SBF1: variants seen among roughly 807,000 people sequenced by gnomAD.
SBF1 encodes myotubularin-related protein 5.
Under a neutral mutation model 215.8 loss-of-function variants are expected in SBF1, and 65 were observed. The ratio of observed to expected loss-of-function variants is 0.30; its 90% CI spans 0.25 to 0.37. SBF1 has a LOEUF of 0.37. Among genes scored for constraint, SBF1 ranks in the 10% least tolerant of loss-of-function variants. The pLI is 1.00. For synonymous variants in SBF1, 1,410 were observed against 1,122.8 expected (o/e 1.26, Z -5.11); for missense variants, 2,634 against 2,667.8 (o/e 0.99, Z 0.28).
At position 50,456,357 on chromosome 22, in the gene SBF1, C is replaced by T. The variant is rs750848341; in HGVS notation, c.4125G>A (p.Val1375=). ...GCCGTGCCTCGAATACCTCAATGGG[C>T]ACCAGCTCCCACTGCTGCAGGGGGT... ...RSDPLQQWEL[V]PIEVFEARQV... The change falls in exon 31 of 41, where the codon GTG becomes GTA. Residue 1375 remains valine (V), a synonymous_variant. Transcript: ENST00000380817. 20 of 1,613,168 alleles carry T rather than the reference C, an allele frequency of 1.2e-5. No homozygotes were observed. The Admixed American group carries it at 1.7e-4, about 13-fold the overall frequency.
In SBF1 at chr22:50,474,748, T is replaced by TCGGCCCC. The variant is rs1232072374; in HGVS notation, c.55+31_55+37dup. ...GCCCCTGGCCCTCAGCACTCGACCCTCGGCCCCCGGCCCTCAGCGCTTGGC... is the reference window on the plus strand; with the variant it reads ...GCCCCTGGCCCTCAGCACTCGACCCTCGGCCCCCGGCCCCCGGCCCTCAGCGCTTGGC... On this transcript the variant is annotated intron_variant, in intron 1 of 40. Coordinates refer to ENST00000380817, the MANE Select transcript of SBF1 (RefSeq NM_002972.4). 76 of 1,417,990 alleles carry TCGGCCCC rather than the reference T, an allele frequency of 5.4e-5. 1 individual carries two copies. In the East Asian group the frequency reaches 1.1e-3, roughly 21 times the overall value. 87.8% of individuals were successfully genotyped at this position (1,417,990 alleles called of 1,614,324 possible). A position where few individuals can be genotyped will look rare whatever the true frequency, so the allele number is the denominator to read the frequency against.
At position 50,461,654 on chromosome 22, in the gene SBF1, T is replaced by G; in HGVS notation, c.2708A>C (p.Tyr903Ser). 6.2e-7 allele frequency: 1 copy of G among 1,610,956 alleles called. No homozygotes were observed. The highest frequency in any genetic ancestry group is 8.5e-7 in the Non-Finnish European group (1 of 1,179,748). Residue 903 changes from tyrosine (Y) to serine (S), a missense_variant, in exon 22 of 41, where the codon TAC becomes TCC. Physicochemically the swap from Tyr to Ser is moderately radical, Grantham distance 144. Coordinates refer to ENST00000380817, the MANE Select transcript of SBF1 (RefSeq NM_002972.4). ...EECVLDGLRV[Y>S]LLPDGREEGA... is the part of the protein sequence containing the mutation. ...CTCCTCACGCCCATCCGGCAGCAGG[T>G]AGACGCGCAGGCCGTCCAGCACACA...
Position 50,467,518 on chromosome 22 carries a change from G to C in SBF1, c.438+14C>G. ...ACCCTCGTCGTGCCTCGCCGCCCCG[G>C]CTGCCGGCCTCACCCTGAACACCTC... On this transcript the variant is annotated intron_variant, in intron 4 of 40. Coordinates refer to ENST00000380817, the MANE Select transcript of SBF1 (RefSeq NM_002972.4). The C allele has an allele frequency of 1.9e-6, 3 of 1,613,852 alleles. No individual in the cohort carries two copies. The South Asian group carries it at 3.3e-5, about 18-fold the overall frequency.
chr22:50,467,584 G>A lies in SBF1; in HGVS notation c.386C>T (p.Ala129Val), dbSNP rs768106795. ...CGACACCAGTACCAGCGTCTTCGGT[G>A]CAAACAGCTGGGCAGATGGGGCAGG... is the stretch of plus-strand genomic sequence containing the variant. ...TAPAPSAQLFAPKTLVLVSRL... is the reference protein window; with the variant it reads ...TAPAPSAQLFVPKTLVLVSRL... The change falls in exon 4 of 41, where the codon GCA becomes GTA. Residue 129 changes from alanine to valine, a missense_variant. By Grantham distance (64) the Ala-to-Val change is moderately conservative. Coordinates refer to ENST00000380817, the MANE Select transcript of SBF1 (RefSeq NM_002972.4). 6.2e-7 allele frequency: 1 copy of A among 1,614,152 alleles called. No homozygotes were observed. The highest frequency in any genetic ancestry group is 1.3e-5 in the African/African-American group (1 of 75,044).
intron 15 of SBF1, 104 bp downstream of exon 15, chr22:50,464,225 G>A (rs1723031581): frequency 2.1e-6 from 2 of 966,818 alleles, no homozygotes; most frequent in Admixed American, 2.2e-5. Context: ...CTGTTAGGCA[G>A]AGGAGGCCCT....
At chr22:50,468,786 C>G (rs898211157) in intron 1 of SBF1, among the ~76,000 whole-genome samples, 1 of 152,040 alleles carries the variant, frequency 6.6e-6, no homozygotes, top group Non-Finnish European at 1.5e-5. Flanking sequence ...CACAGGCCCC[C>G]ACAGCATCTG....
At chr22:50,467,764 T>C in intron 3 of SBF1, 22 bp downstream of exon 3, 1 of 1,613,454 alleles carries the variant, frequency 6.2e-7, no homozygotes, top group Non-Finnish European at 8.5e-7. Context: ...ATTCATGCTG[T>C]ACCCAGAGGC....
chr22:50,462,518 C>A, intron 18 of SBF1, 41 bp downstream of exon 18: 1 of 1,585,806 alleles, frequency 6.3e-7, no homozygotes, highest in Non-Finnish European at 8.6e-7. Flanking sequence ...GCTGCCCCAG[C>A]CCCTAGCCCC....
intron 1 of SBF1, among the ~76,000 whole-genome samples, chr22:50,471,060 C>G (rs2067978273): frequency 6.6e-6 from 1 of 152,206 alleles, no homozygotes; most frequent in African/African-American, 2.4e-5. Flanking sequence ...CAGCTGAGCT[C>G]CTTGCCCATC....
intron 36 of SBF1, 117 bp from the exon 37 acceptor site, chr22:50,448,767 C>G (rs1265533992): frequency 1.4e-6 from 1 of 732,696 alleles, no homozygotes; most frequent in Non-Finnish European, 2.3e-6. Flanking sequence ...GCGTGTGTGA[C>G]TGGCCACAGG....
At position 50,455,513 on chromosome 22, in the gene SBF1, C is replaced by A; in HGVS notation, c.4336G>T (p.Gly1446Cys). ...GTGATGTCCCAGCCATCCTCCAGGC[C>A]CACCAGCACGGAGGAGCCTGAATCC... ...LLDSGSSVLV[G>C]LEDGWDITTQ... The change falls in exon 32 of 41, where the codon GGC becomes TGC. Residue 1446 changes from glycine to cysteine, a missense_variant. Physicochemically the swap from Gly to Cys is radical, Grantham distance 159. Coordinates refer to ENST00000380817, the MANE Select transcript of SBF1 (RefSeq NM_002972.4). 1 of 1,605,882 alleles carries A rather than the reference C, an allele frequency of 6.2e-7. No homozygotes were observed. The highest frequency in any genetic ancestry group is 8.5e-7 in the Non-Finnish European group (1 of 1,176,612).
Position 50,463,291 on chromosome 22 carries a change from A to G in SBF1, c.1891T>C (p.Cys631Arg), listed in dbSNP as rs763970595. 2 of 1,613,606 alleles carry G rather than the reference A, an allele frequency of 1.2e-6. No individual in the cohort carries two copies. Among genetic ancestry groups the G allele is most frequent in the Admixed American group, 1.7e-5 (1 of 60,004 alleles). The change falls in exon 16 of 41, where the codon TGC (cysteine) becomes CGC (arginine). Residue 631 changes from cysteine to arginine, a missense_variant. Cys to Arg is a radical substitution (Grantham distance 180). Coordinates refer to ENST00000380817, the MANE Select transcript of SBF1 (RefSeq NM_002972.4). ...AGGATAAGAGGCCTCACCTGCAGGC[A>G]GCAGTTCATCATACGGACGACAAAG... ...FDFVVRMMNC[C>R]LQDCTSLDEH...
intron 1 of SBF1, among the ~76,000 whole-genome samples, chr22:50,471,184 T>G (rs562435383): frequency 1.3e-5 from 2 of 152,282 alleles, no homozygotes; most frequent in East Asian, 3.9e-4. Flanking sequence ...CACCAAGGTT[T>G]CCTTGCCACC....
chr22:50,468,318 G>T, intron 2 of SBF1, 58 bp downstream of exon 2: 1 of 1,491,774 alleles, frequency 6.7e-7, no homozygotes, highest in Non-Finnish European at 9.3e-7. Context: ...CAAGGGCAGG[G>T]CTGTGCCCAC....
At position 50,455,472 on chromosome 22, in the gene SBF1, G is replaced by A. The variant is rs377190477; in HGVS notation, c.4368+9C>T. 18 of 1,611,026 alleles carry A rather than the reference G, an allele frequency of 1.1e-5. No homozygotes were observed. The highest frequency in any genetic ancestry group is 2.7e-5 in the African/African-American group (2 of 74,794). ...AGCCTGGCCCACCCCAGCCCCACGC[G>A]CCACACACCTGGGTGGTGATGTCCC... On this transcript the variant is annotated intron_variant, in intron 32 of 40. Transcript: ENST00000380817.
At chr22:50,457,402 G>C (rs2067298198) in intron 28 of SBF1, 2 of 370,242 alleles carry the variant, frequency 5.4e-6, no homozygotes, top group South Asian at 8.1e-5. Flanking sequence ...CCAGCTTAGA[G>C]CAAGTCTGTC....
intron 31 of SBF1, 93 bp from the exon 32 acceptor site, chr22:50,455,675 G>C: frequency 9.6e-7 from 1 of 1,043,782 alleles, no homozygotes; most frequent in Non-Finnish European, 1.4e-6. Flanking sequence ...CACAGGCAGC[G>C]GGGAGGCAGG....
At chr22:50,455,894 G>C in intron 31 of SBF1, 1 of 563,526 alleles carries the variant, frequency 1.8e-6, no homozygotes, top group East Asian at 3.0e-5. Context: ...CATCCTGTCA[G>C]TACCCACCCC....
At chr22:50,452,440 C>T (rs932632547) in intron 36 of SBF1, among the ~76,000 whole-genome samples, 6 of 151,934 alleles carry the variant, frequency 3.9e-5, no homozygotes, top group African/African-American at 7.3e-5. Flanking sequence ...AAAACAGGGC[C>T]GGGCACGGTG....
Sources: allele counts gnomAD v4.1 joint callset (sites outside exome capture counted in the v4.1 genomes callset), GRCh38; gene constraint gnomAD v4.1.1; transcripts MANE v1.5; gene names NCBI Gene and HGNC (gene_info 2026-07-23, HGNC 2026-07-21).